WDR72: variants seen among roughly 807,000 people sequenced by gnomAD.
WDR72 encodes the protein WD repeat-containing protein 72.
WDR72 carries 120 observed loss-of-function variants against 124.2 expected under a neutral mutation model. The observed-to-expected ratio is 0.97, with a 90% CI of 0.83 to 1.12. The LOEUF (loss-of-function observed/expected upper bound fraction) is 1.12. WDR72 is among the 50% of genes most tolerant of loss of function. The pLI is 0.00. For missense variants in WDR72, 1,387 were observed against 1,278.8 expected (o/e 1.08, Z -1.29); for synonymous variants, 452 against 441.7 (o/e 1.02, Z -0.29).
chr15:53,519,680 G>A (rs1891675361), intron 19 of WDR72, among the ~76,000 whole-genome samples: 1 of 152,054 alleles, frequency 6.6e-6, no homozygotes, highest in African/African-American at 2.4e-5. Flanking sequence ...GTCTAAAGGT[G>A]CTTTGCCTAC....
chr15:53,655,981 G>A (rs1454851246), intron 14 of WDR72, among the ~76,000 whole-genome samples: 1 of 152,180 alleles, frequency 6.6e-6, no homozygotes, highest in Admixed American at 6.5e-5. Context: ...GTGAGCCATG[G>A]TGCCCAGCTT....
intron 2 of WDR72, among the ~76,000 whole-genome samples, chr15:53,727,117 G>T (rs2018062911): frequency 6.6e-6 from 1 of 150,686 alleles, no homozygotes; most frequent in Non-Finnish European, 1.5e-5. Context: ...TTCAAGACCA[G>T]CCTAGCCAAC....
At chr15:53,621,430 GATATATATATATAT>G (rs57355125) in intron 14 of WDR72, among the ~76,000 whole-genome samples, 3 of 124,372 alleles carry the variant, frequency 2.4e-5, no homozygotes, top group Admixed American at 7.9e-5. Context: ...AAGAAACTGT[GATATATATATATAT>G]ATATATATAT....
intron 18 of WDR72, among the ~76,000 whole-genome samples, chr15:53,546,389 T>C (rs941368166): frequency 6.6e-6 from 1 of 151,324 alleles, no homozygotes; most frequent in Non-Finnish European, 1.5e-5. Context: ...TTGGAAATCA[T>C]CATTCTCAGT....
intron 18 of WDR72, among the ~76,000 whole-genome samples, chr15:53,556,413 A>G (rs774584166): frequency 2.0e-5 from 3 of 152,108 alleles, no homozygotes; most frequent in Non-Finnish European, 4.4e-5. Flanking sequence ...AAGAATTCAC[A>G]TAAGTGTTTC....
intron 2 of WDR72, among the ~76,000 whole-genome samples, chr15:53,727,538 G>A (rs890456225): frequency 6.6e-6 from 1 of 152,102 alleles, no homozygotes; most frequent in Non-Finnish European, 1.5e-5. Context: ...TCAAGTTCGC[G>A]CTACCTTTTT....
At chr15:53,622,253 G>A (rs1566989405) in intron 14 of WDR72, among the ~76,000 whole-genome samples, 2 of 152,050 alleles carry the variant, frequency 1.3e-5, no homozygotes, top group African/African-American at 2.4e-5. Context: ...AATACTATTC[G>A]ACCCAGCAAT....
chr15:53,667,310 C>T (rs766376444), intron 13 of WDR72, among the ~76,000 whole-genome samples: 22 of 152,094 alleles, frequency 1.4e-4, no homozygotes, highest in Non-Finnish European at 3.1e-4. Context: ...GCCAGGATCA[C>T]GCCACTGCAC....
chr15:53,612,278 A>G (rs1449015800), intron 16 of WDR72, among the ~76,000 whole-genome samples: 1 of 152,164 alleles, frequency 6.6e-6, no homozygotes, highest in Admixed American at 6.6e-5. Context: ...AACTGTCACA[A>G]AAATATAACT....
Position 53,525,783 on chromosome 15 carries a change from T to C in WDR72, c.3149-2461A>G, listed in dbSNP as rs956275806. On this transcript the variant is annotated intron_variant, in intron 18 of 19. Coordinates refer to ENST00000360509, the MANE Select transcript of WDR72 (RefSeq NM_182758.4). ...GGAGGGGAAATAAAGATGGTTATTC[T>C]TCAGATATTGAACTTGGTTACAGAT... Among the ~76,000 whole-genome samples, 22 of 152,090 alleles carry C rather than the reference T, an allele frequency of 1.4e-4. 1 individual carries two copies. Among genetic ancestry groups the C allele is most frequent in the Non-Finnish European group, 2.9e-5 (2 of 67,990 alleles).
At chr15:53,638,763 G>A (rs73408292) in intron 14 of WDR72, among the ~76,000 whole-genome samples, 11,835 of 151,898 alleles carry the variant, frequency 0.078, 1,544 homozygotes, top group African/African-American at 0.27. Flanking sequence ...CAGCACTTTC[G>A]GAGGACAATG....
At chr15:53,730,652 T>C (rs909392191) in intron 2 of WDR72, among the ~76,000 whole-genome samples, 1 of 152,144 alleles carries the variant, frequency 6.6e-6, no homozygotes, top group Non-Finnish European at 1.5e-5. Context: ...CTCTTCTTCC[T>C]ACCATCCTCT....
At chr15:53,604,362 C>A (rs113806486) in intron 17 of WDR72, among the ~76,000 whole-genome samples, 2,583 of 152,010 alleles carry the variant, frequency 0.017, 29 homozygotes, top group Middle Eastern at 0.048. Context: ...ATGTAAAACA[C>A]AAAATTATAA....
intron 1 of WDR72, among the ~76,000 whole-genome samples, chr15:53,758,848 T>C (rs537161682): frequency 4.1e-4 from 60 of 147,932 alleles, no homozygotes; most frequent in Admixed American, 3.4e-3. Flanking sequence ...CGTCGTTAAC[T>C]GTATTGAAAT....
At chr15:53,707,469 CAG>C (rs2017413980) in intron 9 of WDR72, among the ~76,000 whole-genome samples, 1 of 149,892 alleles carries the variant, frequency 6.7e-6, no homozygotes, top group Non-Finnish European at 1.5e-5. Flanking sequence ...TTTTTTGAGA[CAG>C]AGTCTCGCTC....
Position 53,616,128 on chromosome 15 carries a change from A to C in WDR72, c.2078T>G (p.Leu693Trp), listed in dbSNP as rs906413685. Residue 693 changes from leucine to tryptophan, a missense_variant, in exon 15 of 20, where the codon TTG becomes TGG. Coordinates refer to ENST00000360509, the MANE Select transcript of WDR72 (RefSeq NM_182758.4). The part of the protein sequence containing the change: ...LFDLENLVEL[L>W]LPTPLSDVDS... The stretch of plus-strand genomic sequence containing the variant: ...AACATCACTGAGTGGAGTTGGTAGC[A>C]AAAGTTCAACAAGGTTTTCCAGATC... The C allele has an allele frequency of 1.2e-6, 2 of 1,604,574 alleles. No individual in the cohort carries two copies. Among genetic ancestry groups the C allele is most frequent in the Admixed American group, 3.4e-5 (2 of 58,804 alleles).
intron 18 of WDR72, among the ~76,000 whole-genome samples, chr15:53,587,779 T>G (rs1027458247): frequency 7.9e-5 from 12 of 152,056 alleles, no homozygotes; most frequent in Non-Finnish European, 1.8e-4. Flanking sequence ...GTTTTTACAT[T>G]GTCCCTAGAT....
intron 18 of WDR72, among the ~76,000 whole-genome samples, chr15:53,593,818 G>A (rs1407215113): frequency 4.0e-5 from 6 of 151,818 alleles, no homozygotes; most frequent in Non-Finnish European, 8.8e-5. Flanking sequence ...ATTTAAAAGT[G>A]TATTTCAACA....
intron 19 of WDR72, among the ~76,000 whole-genome samples, chr15:53,522,774 A>C (rs186156777): frequency 1.3e-4 from 20 of 152,214 alleles, no homozygotes; most frequent in Non-Finnish European, 2.1e-4. Context: ...AAATCCTGTC[A>C]TCCCAGTTAC....
Sources: gnomAD v4.1 joint callset for allele counts (sites outside exome capture counted in the v4.1 genomes callset) on GRCh38, gnomAD v4.1.1 for gene constraint, MANE v1.5 for transcripts, NCBI Gene and HGNC (gene_info 2026-07-23, HGNC 2026-07-21) for gene names.